The following CCDC90B variants were observed in gnomAD, a reference collection of about 807,000 sequenced individuals.
The protein encoded by CCDC90B is coiled-coil domain-containing protein 90B, mitochondrial.
In CCDC90B, 24 loss-of-function variants were observed where a neutral mutation model predicts 37.0. The observed-to-expected ratio is 0.65, with a 90% CI of 0.47 to 0.91. The LOEUF (loss-of-function observed/expected upper bound fraction) is 0.91. Among genes scored for constraint, CCDC90B ranks in the 40% least tolerant of loss-of-function variants. CCDC90B has a pLI of 0.00. For synonymous variants in CCDC90B, 113 were observed against 101.1 expected (o/e 1.12, Z -0.71); for missense variants, 319 against 299.0 (o/e 1.07, Z -0.49).
In CCDC90B at chr11:83,259,831, G is replaced by C. The variant is rs1425146248; in HGVS notation, c.*2080C>G. ...AGATGTGTGCCACTGTGCTCAGCAA[G>C]AGAATATGGGTTTCATCTTAAGGCC... On this transcript the variant is annotated 3_prime_UTR_variant, in exon 9 of 9. Transcript: ENST00000529689. The C allele has an allele frequency of 6.6e-6, 1 of 152,234 alleles. No individual in the cohort carries two copies. The highest frequency in any genetic ancestry group is 2.4e-5 in the African/African-American group (1 of 41,446). The allele number at this position is 152,234 out of a possible 1,614,324, so 9.4% of individuals were successfully genotyped here.
intron 1 of CCDC90B, 57 bp downstream of exon 1, chr11:83,285,816 C>T (rs769631732): frequency 3.7e-5 from 57 of 1,549,422 alleles, no homozygotes; most frequent in Non-Finnish European, 4.8e-5. Context: ...CGCGACCCCA[C>T]GGGCATCGTC....
At chr11:83,267,376 T>C (rs920820542) in intron 7 of CCDC90B, 1 of 152,170 alleles carries the variant, frequency 6.6e-6, no homozygotes. Context: ...GAAAAAAGAT[T>C]AGACGAATGG....
At chr11:83,272,443 G>A (rs553013700) in intron 7 of CCDC90B, among the ~76,000 whole-genome samples, 1 of 152,144 alleles carries the variant, frequency 6.6e-6, no homozygotes, top group South Asian at 2.1e-4. Flanking sequence ...CATTTTATGT[G>A]TGTGAAGTCC....
chr11:83,265,842 A>G (rs1456198888), intron 8 of CCDC90B, 23 bp downstream of exon 8: 3 of 1,454,358 alleles, frequency 2.1e-6, no homozygotes, highest in Non-Finnish European at 2.9e-6. Flanking sequence ...GATGACAGCA[A>G]TTTCTTTCTC....
Position 83,286,115 on chromosome 11 carries a change from C to T in CCDC90B, c.-143G>A. 6.5e-7 allele frequency: 1 copy of T among 1,536,454 alleles called. No homozygotes were observed. The highest frequency in any genetic ancestry group is 8.7e-7 in the Non-Finnish European group (1 of 1,146,916). ...ACAAGCTCACCTCCCAGCGCAGGCG[C>T]CACCGTGGTCCCACGAAACTGGGTC... On this transcript the variant is annotated 5_prime_UTR_variant, in exon 1 of 9. Transcript: ENST00000529689.
rs1864848435 is a variant in CCDC90B, at chr11:83,273,835, A to G, written c.498T>C (p.Asn166=). 4 of 1,610,270 alleles carry G rather than the reference A, an allele frequency of 2.5e-6. No homozygotes were observed. The African/African-American group carries it at 4.0e-5, about 16-fold the overall frequency. ...MHETSRIRAD[N]KLDINLERSR... ...TCCTTTCTAAGTTGATATCCAGTTT[A>G]TTATCTGCTCTGATTCGACTGGTTT... Residue 166 remains asparagine (N), a synonymous_variant, in exon 6 of 9, where the codon AAT becomes AAC. Transcript: ENST00000529689.
chr11:83,265,922 C>A lies in CCDC90B; in HGVS notation c.652G>T (p.Ala218Ser), dbSNP rs199625344. 4 of 1,612,598 alleles carry A rather than the reference C, an allele frequency of 2.5e-6. No individual in the cohort carries two copies. The East Asian group carries it at 6.7e-5, about 27-fold the overall frequency. ...ETSNKIDAEIASLKTLMESNK... is the reference protein window; with the variant it reads ...ETSNKIDAEISSLKTLMESNK... ...GATTCCATCAGTGTTTTTAAGGAAGCAATTTCAGCGTCAATTTTATTACTG... is the reference window on the plus strand; with the variant it reads ...GATTCCATCAGTGTTTTTAAGGAAGAAATTTCAGCGTCAATTTTATTACTG... Residue 218 changes from alanine (A) to serine (S), a missense_variant, in exon 8 of 9, where the codon GCT (alanine) becomes TCT (serine). Transcript: ENST00000529689.
In CCDC90B at chr11:83,278,782, A is replaced by C. The variant is rs781382555; in HGVS notation, c.268T>G (p.Leu90Val). Residue 90 changes from leucine (L) to valine (V), a missense_variant, in exon 3 of 9, where the codon TTA (leucine) becomes GTA (valine). Leu to Val is a conservative substitution (Grantham distance 32). Coordinates refer to ENST00000529689, the MANE Select transcript of CCDC90B (RefSeq NM_021825.5). The part of the protein sequence containing the change: ...AETIVSALTA[L>V]SNVSLDTIYK... Reference sequence around the variant, plus strand: ...ATAGTATCCAGGCTGACATTTGATAAAGCAGTTAACGCTGATACAATTGTT... The same window carrying C: ...ATAGTATCCAGGCTGACATTTGATACAGCAGTTAACGCTGATACAATTGTT... The C allele has an allele frequency of 6.8e-6, 11 of 1,613,672 alleles. No individual in the cohort carries two copies. The South Asian group carries it at 9.9e-5, about 14-fold the overall frequency.
Position 83,286,040 on chromosome 11 carries a change from G to T in CCDC90B, c.-68C>A. On this transcript the variant is annotated 5_prime_UTR_variant, in exon 1 of 9. Coordinates refer to ENST00000529689, the MANE Select transcript of CCDC90B (RefSeq NM_021825.5). ...AAATCTCGCACAGGCTTTCGGGCAA[G>T]GTAGTTCTGGCACCACAGGAATGCT... 6.4e-7 allele frequency: 1 copy of T among 1,552,252 alleles called. No homozygotes were observed.
chr11:83,261,725 C>A lies in CCDC90B; in HGVS notation c.*186G>T. On this transcript the variant is annotated 3_prime_UTR_variant, in exon 9 of 9. Transcript: ENST00000529689. ...TCAATATAATAAAGACACACACCTG[C>A]ACTCACACACACACAATAAAGACAC... 2.2e-6 allele frequency: 1 copy of A among 452,228 alleles called. No homozygotes were observed. 28.0% of individuals were successfully genotyped at this position (452,228 alleles called of 1,614,324 possible). A position where few individuals can be genotyped will look rare whatever the true frequency, so the allele number is the denominator to read the frequency against.
At chr11:83,273,768 G>T (rs1285467215) in intron 6 of CCDC90B, 25 bp downstream of exon 6, 1 of 1,601,636 alleles carries the variant, frequency 6.2e-7, no homozygotes, top group Non-Finnish European at 8.5e-7. Flanking sequence ...AAGTAACCAA[G>T]AAAGTACATT....
At chr11:83,284,861 G>A (rs143601994) in intron 1 of CCDC90B, among the ~76,000 whole-genome samples, 1,895 of 152,296 alleles carry the variant, frequency 0.012, 40 homozygotes, top group African/African-American at 0.043. Context: ...ATGACTTCCT[G>A]GAGTTCAAAA....
chr11:83,283,344 G>A (rs964341917), intron 1 of CCDC90B, among the ~76,000 whole-genome samples: 2 of 152,236 alleles, frequency 1.3e-5, no homozygotes, highest in Non-Finnish European at 2.9e-5. Flanking sequence ...CAGACAGGAT[G>A]AATGAAATCA....
At position 83,286,023 on chromosome 11, in the gene CCDC90B, C is replaced by A. The variant is rs1353535738; in HGVS notation, c.-51G>T. ...GAGGCGGAAGACGGGGTAAATCTCG[C>A]ACAGGCTTTCGGGCAAGGTAGTTCT... On this transcript the variant is annotated 5_prime_UTR_variant, in exon 1 of 9. Transcript: ENST00000529689. 6.4e-7 allele frequency: 1 copy of A among 1,566,502 alleles called. No homozygotes were observed. The highest frequency in any genetic ancestry group is 8.6e-7 in the Non-Finnish European group (1 of 1,156,256).
intron 1 of CCDC90B, among the ~76,000 whole-genome samples, chr11:83,280,649 T>A (rs1424597028): frequency 6.6e-6 from 1 of 152,238 alleles, no homozygotes; most frequent in Non-Finnish European, 1.5e-5. Flanking sequence ...GAAAATTTTT[T>A]ACACTTAATC....
Position 83,286,023 on chromosome 11 carries a change from C to T in CCDC90B, c.-51G>A. ...GAGGCGGAAGACGGGGTAAATCTCG[C>T]ACAGGCTTTCGGGCAAGGTAGTTCT... On this transcript the variant is annotated 5_prime_UTR_variant, in exon 1 of 9. Transcript: ENST00000529689. The T allele has an allele frequency of 6.4e-7, 1 of 1,566,502 alleles. No homozygotes were observed. The highest frequency in any genetic ancestry group is 8.6e-7 in the Non-Finnish European group (1 of 1,156,256).
intron 7 of CCDC90B, among the ~76,000 whole-genome samples, chr11:83,268,411 T>C (rs1402931763): frequency 1.5e-5 from 2 of 130,000 alleles, no homozygotes; most frequent in African/African-American, 5.8e-5. Context: ...CAGGAAGATG[T>C]ACCAAGCAAA....
At position 83,278,614 on chromosome 11, in the gene CCDC90B, A is replaced by G. The variant is rs1865184662; in HGVS notation, c.324+112T>C. On this transcript the variant is annotated intron_variant, in intron 3 of 8. Transcript: ENST00000529689. ...ATGTTTTTTTTTGTGGTCCCTTTAGAGAGAACAAGGAAGATATAAGCATGT... is the reference window on the plus strand; with the variant it reads ...ATGTTTTTTTTTGTGGTCCCTTTAGGGAGAACAAGGAAGATATAAGCATGT... The G allele has an allele frequency of 1.8e-5, 12 of 652,196 alleles. No individual in the cohort carries two copies. The South Asian group carries it at 2.4e-4, about 13-fold the overall frequency. 40.4% of individuals were successfully genotyped at this position (652,196 alleles called of 1,614,324 possible). A position where few individuals can be genotyped will look rare whatever the true frequency, so the allele number is the denominator to read the frequency against.
intron 1 of CCDC90B, chr11:83,285,625 C>T: frequency 7.4e-7 from 1 of 1,348,772 alleles, no homozygotes; most frequent in Non-Finnish European, 9.5e-7. Context: ...AGAAAGAAGC[C>T]GGGCGCGAAG....
Sources: gnomAD v4.1 joint callset for allele counts (sites outside exome capture counted in the v4.1 genomes callset) on GRCh38, gnomAD v4.1.1 for gene constraint, MANE v1.5 for transcripts, NCBI Gene and HGNC (gene_info 2026-07-23, HGNC 2026-07-21) for gene names.